The following IL13RA1 variants were observed in gnomAD, a reference collection of about 807,000 sequenced individuals.
IL13RA1 encodes interleukin 13 receptor subunit alpha 1, also known as interleukin-13 receptor subunit alpha-1.
IL13RA1 carries 14 observed loss-of-function variants against 33.8 expected under a neutral mutation model. The ratio of observed to expected loss-of-function variants is 0.41; its 90% CI spans 0.27 to 0.65. The LOEUF (loss-of-function observed/expected upper bound fraction) is 0.65, where lower values mean the gene tolerates loss of function less well. IL13RA1 is among the 30% of genes least tolerant of loss of function. The pLI, the probability that IL13RA1 is intolerant of heterozygous loss-of-function variation, is 0.28. For missense variants in IL13RA1, 313 were observed against 327.0 expected, an observed-to-expected ratio of 0.96 and a Z score of 0.33; for synonymous variants, 116 against 115.7, an observed-to-expected ratio of 1.00 and a Z score of -0.02.
chrX:118,779,097 AGG>A (rs1163928093), intron 10 of IL13RA1, among the ~76,000 whole-genome samples: 1 of 112,216 alleles, frequency 8.9e-6, no homozygotes, highest in Admixed American at 9.5e-5. Flanking sequence ...AAAAAGATTT[AGG>A]GTTGTATTAT....
At chrX:118,799,048 G>A (rs1295266939), downstream of IL13RA1, among the ~76,000 whole-genome samples, 1 of 112,727 alleles carries the variant, frequency 8.9e-6, no homozygotes, top group African/African-American at 3.2e-5. Flanking sequence ...CCCGCACTCG[G>A]AGCAGCCAGC....
At chrX:118,803,958 CTTTCT>C in the IL13RA1 span, among the ~76,000 whole-genome samples, 13 of 70,897 alleles carry the variant, frequency 1.8e-4, no homozygotes, top group Middle Eastern at 7.5e-3. Flanking sequence ...TTCTTTCTTT[CTTTCT>C]TTTTTTTTTT....
chrX:118,783,286 G>GT (rs1056221195), intron 10 of IL13RA1, among the ~76,000 whole-genome samples: 1 of 111,751 alleles, frequency 8.9e-6, no homozygotes, highest in African/African-American at 3.3e-5. Flanking sequence ...CATCTATGAT[G>GT]TTTTTCATCT....
chrX:118,773,751 C>T, intron 8 of IL13RA1, 128 bp from the exon 9 acceptor site: 1 of 478,124 alleles, frequency 2.1e-6, no homozygotes, highest in African/African-American at 2.5e-5. Flanking sequence ...AATTGAAGAG[C>T]TTGGGAAAAT....
intron 4 of IL13RA1, among the ~76,000 whole-genome samples, chrX:118,752,045 T>C (rs1037559471): frequency 1.8e-5 from 2 of 110,426 alleles, no homozygotes; most frequent in South Asian, 3.9e-4. Context: ...AAGTTCTGTG[T>C]GGTTATGTCT....
At position 118,741,003 on chromosome X, in the gene IL13RA1, C is replaced by A; in HGVS notation, c.89-14C>A. On this transcript the variant is annotated splice_polypyrimidine_tract_variant and intron_variant, in intron 1 of 10. Coordinates refer to ENST00000371666, the MANE Select transcript of IL13RA1 (RefSeq NM_001560.3). ...GTTGATAAATTCATTTTTTTTTGTCCTTGATTTGAACAGAAACTCAGCCAC... is the reference window on the plus strand; with the variant it reads ...GTTGATAAATTCATTTTTTTTTGTCATTGATTTGAACAGAAACTCAGCCAC... The A allele has an allele frequency of 9.2e-7, 1 of 1,082,162 alleles. No homozygotes were observed. Among genetic ancestry groups the A allele is most frequent in the Non-Finnish European group, 1.3e-6 (1 of 783,379 alleles). The allele number at this position is 1,082,162 out of a possible 1,213,427, so 89.2% of individuals were successfully genotyped here.
intron 10 of IL13RA1, among the ~76,000 whole-genome samples, chrX:118,785,031 T>A (rs1242213754): frequency 1.4e-4 from 16 of 111,263 alleles, no homozygotes; most frequent in Middle Eastern, 4.2e-3. Flanking sequence ...TTTTTTTTTT[T>A]AATTTTAGTA....
intron 4 of IL13RA1, among the ~76,000 whole-genome samples, chrX:118,757,422 C>T (rs1479166731): frequency 9.6e-6 from 1 of 103,732 alleles, no homozygotes; most frequent in East Asian, 3.1e-4. Flanking sequence ...CCCAGCTACT[C>T]AGGAGGCATG....
At chrX:118,761,822 A>C (rs2017593825) in intron 6 of IL13RA1, among the ~76,000 whole-genome samples, 1 of 111,762 alleles carries the variant, frequency 8.9e-6, no homozygotes, top group Non-Finnish European at 1.9e-5. Context: ...AGCAGACGCT[A>C]GCCATGTGAA....
intron 6 of IL13RA1, among the ~76,000 whole-genome samples, chrX:118,764,006 C>A (rs2017618796): frequency 9.0e-6 from 1 of 110,983 alleles, no homozygotes; most frequent in African/African-American, 3.3e-5. Flanking sequence ...TTGAACTCTG[C>A]TGCTTAGATT....
At chrX:118,759,214 T>G (rs1043957474) in intron 5 of IL13RA1, among the ~76,000 whole-genome samples, 1 of 112,082 alleles carries the variant, frequency 8.9e-6, no homozygotes, top group Admixed American at 9.5e-5. Context: ...ATTATCTGAT[T>G]AGGTTCTAAC....
chrX:118,796,824 C>G (rs1182764599), downstream of IL13RA1, among the ~76,000 whole-genome samples: 1 of 112,982 alleles, frequency 8.9e-6, no homozygotes, highest in African/African-American at 3.2e-5. Context: ...GCGTGAGCCA[C>G]CGTGCCTGGC....
At chrX:118,742,213 C>T (rs566039359) in intron 2 of IL13RA1, among the ~76,000 whole-genome samples, 4 of 111,815 alleles carry the variant, frequency 3.6e-5, no homozygotes, top group African/African-American at 6.5e-5. Flanking sequence ...ATGGTTTAGG[C>T]GTTAATTGAT....
At chrX:118,736,986 A>G (rs985349918) in intron 1 of IL13RA1, among the ~76,000 whole-genome samples, 2 of 112,604 alleles carry the variant, frequency 1.8e-5, no homozygotes, top group East Asian at 5.5e-4. Context: ...AAAAGGAGAA[A>G]AATGAGGCGA....
At position 118,783,755 on chromosome X, in the gene IL13RA1, T is replaced by TAC. The variant is rs142945515; in HGVS notation, c.1191+7263_1191+7264dup. On this transcript the variant is annotated intron_variant, in intron 10 of 10. Coordinates refer to ENST00000371666, the MANE Select transcript of IL13RA1 (RefSeq NM_001560.3). ...GTTTTTATTTGTGAAAAATCCATAT[T>TAC]ACACACACACACACACACACTTCAC... Among the ~76,000 whole-genome samples, 433 of 100,745 alleles carry TAC rather than the reference T, an allele frequency of 4.3e-3. 1 individual carries two copies. Among genetic ancestry groups the TAC allele is most frequent in the Non-Finnish European group, 5.3e-3 (267 of 50,501 alleles). 87.5% of individuals were successfully genotyped at this position (100,745 alleles called of 115,157 possible). A position where few individuals can be genotyped will look rare whatever the true frequency, so the allele number is the denominator to read the frequency against.
chrX:118,774,284 C>T (rs570258453), intron 9 of IL13RA1, among the ~76,000 whole-genome samples: 1 of 108,104 alleles, frequency 9.3e-6, no homozygotes, highest in Non-Finnish European at 1.9e-5. Context: ...CGAGTAGCTG[C>T]GATTACAGGT....
At chrX:118,784,844 T>C (rs1043940639) in intron 10 of IL13RA1, among the ~76,000 whole-genome samples, 1 of 111,947 alleles carries the variant, frequency 8.9e-6, no homozygotes, top group African/African-American at 3.3e-5. Flanking sequence ...TGGCATAATA[T>C]GTTTTGTCAG....
intron 5 of IL13RA1, among the ~76,000 whole-genome samples, chrX:118,760,831 A>T (rs2017582703): frequency 8.9e-6 from 1 of 112,155 alleles, no homozygotes. Context: ...TCCCTGATAA[A>T]AAGTAGCATA....
At chrX:118,760,320 T>C (rs979142174) in intron 5 of IL13RA1, among the ~76,000 whole-genome samples, 5 of 112,207 alleles carry the variant, frequency 4.5e-5, no homozygotes, top group African/African-American at 1.6e-4. Flanking sequence ...CTGGCTTATT[T>C]TACCTAGCAT....
Sources: gnomAD v4.1 joint callset for allele counts (sites outside exome capture counted in the v4.1 genomes callset) on GRCh38, gnomAD v4.1.1 for gene constraint, MANE v1.5 for transcripts, NCBI Gene and HGNC (gene_info 2026-07-23, HGNC 2026-07-21) for gene names.